NRXN1: variants seen among roughly 807,000 people sequenced by gnomAD.
NRXN1 encodes the protein neurexin-1.
NRXN1 carries 39 observed loss-of-function variants against 150.9 expected under a neutral mutation model. The ratio of observed to expected loss-of-function variants is 0.26; its 90% CI spans 0.20 to 0.34. The LOEUF is 0.34. Among genes scored for constraint, NRXN1 ranks in the 10% least tolerant of loss-of-function variants. The pLI is 1.00. For missense variants in NRXN1, 1,815 were observed against 1,949.9 expected (o/e 0.93, Z 1.30); for synonymous variants, 924 against 757.0 (o/e 1.22, Z -3.62).
At chr2:50,468,407 G>A (rs569220849) in intron 16 of NRXN1, among the ~76,000 whole-genome samples, 1 of 151,542 alleles carries the variant, frequency 6.6e-6, no homozygotes, top group African/African-American at 2.4e-5. Flanking sequence ...GCCTTTGCCT[G>A]ACAAGACACA....
chr2:50,927,585 T>C (rs948271552), intron 2 of NRXN1, among the ~76,000 whole-genome samples: 5 of 152,074 alleles, frequency 3.3e-5, no homozygotes, highest in African/African-American at 1.2e-4. Context: ...AGTTTTGTTT[T>C]ACTGCATTAT....
intron 21 of NRXN1, chr2:49,969,999 C>T (rs1176751436): frequency 6.6e-6 from 1 of 152,066 alleles, no homozygotes; most frequent in Non-Finnish European, 1.5e-5. Flanking sequence ...AGCACAAAGA[C>T]TGCAGAACTA....
chr2:50,357,555 A>C (rs894263936), intron 17 of NRXN1, among the ~76,000 whole-genome samples: 4 of 151,684 alleles, frequency 2.6e-5, no homozygotes, highest in African/African-American at 9.7e-5. Flanking sequence ...TGATCCACTC[A>C]CCTCGGCCTC....
intron 8 of NRXN1, among the ~76,000 whole-genome samples, chr2:50,570,341 A>G (rs777488602): frequency 3.3e-5 from 5 of 152,190 alleles, no homozygotes; most frequent in African/African-American, 4.8e-5. Context: ...AATGGTGGGC[A>G]TTTCCATAGC....
At chr2:50,363,191 C>T (rs1482408336) in intron 17 of NRXN1, among the ~76,000 whole-genome samples, 1 of 152,148 alleles carries the variant, frequency 6.6e-6, no homozygotes, top group Non-Finnish European at 1.5e-5. Flanking sequence ...ACAAAGACTG[C>T]ATGACTAAAA....
chr2:50,296,612 G>A (rs1292618994), intron 17 of NRXN1, among the ~76,000 whole-genome samples: 1 of 151,308 alleles, frequency 6.6e-6, no homozygotes, highest in Non-Finnish European at 1.5e-5. Context: ...GGAACAACAG[G>A]CATGCACTAC....
chr2:50,026,363 T>A (rs756908428), intron 21 of NRXN1, among the ~76,000 whole-genome samples: 23 of 152,178 alleles, frequency 1.5e-4, no homozygotes, highest in Non-Finnish European at 2.8e-4. Context: ...GTCTGGAGAG[T>A]GTAGTTTTTC....
intron 2 of NRXN1, among the ~76,000 whole-genome samples, chr2:51,012,314 T>C (rs1410132148): frequency 5.9e-5 from 9 of 152,170 alleles, no homozygotes; most frequent in Admixed American, 4.6e-4. Context: ...ATTACAGTAA[T>C]TTGAAATGAT....
rs370381003 is a variant in NRXN1, at chr2:50,807,727, T to C, written c.832+114142A>G. 5.3e-5 allele frequency among the ~76,000 whole-genome samples: 8 copies of C among 152,314 alleles called. No homozygotes were observed. In the East Asian group the frequency reaches 1.4e-3, roughly 26 times the overall value. On this transcript the variant is annotated intron_variant, in intron 5 of 22. Coordinates refer to ENST00000401669, the MANE Select transcript of NRXN1 (RefSeq NM_001330078.2). ...TCTGCTTATCTTGGCGTTGTGTCAC[T>C]ACCCTTAGCTATACTTTAAATTAAG...
Position 50,978,296 on chromosome 2 carries a change from ATATATATAT to A in NRXN1, c.772+49197_772+49205del, listed in dbSNP as rs1696226741. Among the ~76,000 whole-genome samples, 12 of 130,250 alleles carry A rather than the reference ATATATATAT, an allele frequency of 9.2e-5. No individual in the cohort carries two copies. The South Asian group carries it at 9.6e-4, about 10-fold the overall frequency. 85.4% of individuals were successfully genotyped at this position (130,250 alleles called of 152,430 possible). ...CATATATATATATATATATATATAT[ATATATATAT>A]AAAATATATATATTATAGATAGATT... On this transcript the variant is annotated intron_variant, in intron 2 of 22. Transcript: ENST00000401669.
At chr2:50,557,708 T>G (rs933656081) in intron 8 of NRXN1, among the ~76,000 whole-genome samples, 5 of 152,228 alleles carry the variant, frequency 3.3e-5, no homozygotes, top group African/African-American at 1.2e-4. Flanking sequence ...AAATACTCAT[T>G]GTTTTTATTA....
intron 18 of NRXN1, among the ~76,000 whole-genome samples, chr2:50,203,100 G>A (rs1054708825): frequency 6.6e-5 from 10 of 152,232 alleles, no homozygotes; most frequent in Non-Finnish European, 1.2e-4. Context: ...AATCAAGGTC[G>A]TACTGCAGGT....
intron 2 of NRXN1, among the ~76,000 whole-genome samples, chr2:50,931,228 AT>A (rs1289528057): frequency 2.6e-5 from 4 of 151,722 alleles, no homozygotes; most frequent in Non-Finnish European, 4.4e-5. Context: ...TTTTTTCACC[AT>A]TTTTTTTCAT....
intron 15 of NRXN1, among the ~76,000 whole-genome samples, chr2:50,479,498 A>T (rs957346340): frequency 6.6e-6 from 1 of 152,206 alleles, no homozygotes; most frequent in Non-Finnish European, 1.5e-5. Context: ...AGCCTTATGT[A>T]ACCATTAGTT....
intron 11 of NRXN1, among the ~76,000 whole-genome samples, chr2:50,529,577 A>G (rs548919249): frequency 6.6e-6 from 1 of 152,150 alleles, no homozygotes; most frequent in South Asian, 2.1e-4. Flanking sequence ...TGGAGAACAT[A>G]AAAAAATAAA....
chr2:50,079,471 G>A (rs1036200249), intron 19 of NRXN1, among the ~76,000 whole-genome samples: 1 of 151,878 alleles, frequency 6.6e-6, no homozygotes, highest in Non-Finnish European at 1.5e-5. Flanking sequence ...GGCCTTCTAT[G>A]ATGAAAATTT....
intron 9 of NRXN1, among the ~76,000 whole-genome samples, chr2:50,540,633 A>C (rs1388498609): frequency 6.6e-6 from 1 of 152,028 alleles, no homozygotes; most frequent in Non-Finnish European, 1.5e-5. Context: ...GAAAGCAAAG[A>C]GTTACATGCA....
chr2:50,581,492 C>T (rs1672255524), intron 8 of NRXN1, among the ~76,000 whole-genome samples: 1 of 152,054 alleles, frequency 6.6e-6, no homozygotes. Context: ...ATCAGTAGCC[C>T]AGTAAGAGAC....
At chr2:50,837,918 C>T (rs1235572674) in intron 5 of NRXN1, among the ~76,000 whole-genome samples, 1 of 152,026 alleles carries the variant, frequency 6.6e-6, no homozygotes, top group Non-Finnish European at 1.5e-5. Flanking sequence ...CCACAGTGAG[C>T]TGATTTATTT....
Sources: gnomAD v4.1 joint callset for allele counts (sites outside exome capture counted in the v4.1 genomes callset) on GRCh38, gnomAD v4.1.1 for gene constraint, MANE v1.5 for transcripts, NCBI Gene and HGNC (gene_info 2026-07-23, HGNC 2026-07-21) for gene names.